The following SLC6A11 variants were observed in gnomAD, a reference collection of about 807,000 sequenced individuals.
SLC6A11 encodes sodium- and chloride-dependent GABA transporter 3.
SLC6A11 carries 25 observed loss-of-function variants against 74.8 expected under a neutral mutation model. The observed-to-expected ratio is 0.33, with a 90% CI of 0.24 to 0.47. The LOEUF is 0.47. Among genes scored for constraint, SLC6A11 ranks in the 20% least tolerant of loss-of-function variants. The pLI is 1.00. For missense variants in SLC6A11, 574 were observed against 837.0 expected, an observed-to-expected ratio of 0.69 and a Z score of 3.88; for synonymous variants, 330 against 330.2, an observed-to-expected ratio of 1.00 and a Z score of 0.01.
intron 13 of SLC6A11, 91 bp from the exon 14 acceptor site, chr3:10,938,159 G>C: frequency 2.4e-6 from 3 of 1,266,704 alleles, no homozygotes; most frequent in Admixed American, 2.3e-5. Context: ...CCAGCACCCA[G>C]ATGTCCGCCG....
intron 5 of SLC6A11, among the ~76,000 whole-genome samples, chr3:10,844,919 C>A (rs1458607916): frequency 6.6e-6 from 1 of 152,204 alleles, no homozygotes; most frequent in African/African-American, 2.4e-5. Flanking sequence ...CTGGGAGTTA[C>A]ACATGGCTCT....
chr3:10,836,802 C>T (rs1694373280), intron 4 of SLC6A11, among the ~76,000 whole-genome samples: 1 of 152,192 alleles, frequency 6.6e-6, no homozygotes. Context: ...GAAGCATTAG[C>T]CTAGGACAAG....
intron 5 of SLC6A11, among the ~76,000 whole-genome samples, chr3:10,851,482 T>C (rs182485022): frequency 3.2e-4 from 49 of 152,092 alleles, no homozygotes; most frequent in African/African-American, 1.1e-3. Flanking sequence ...ATTGATTTTT[T>C]TCTTTCCCTT....
In SLC6A11 at chr3:10,819,557, G is replaced by C; in HGVS notation, c.349G>C (p.Gly117Arg). Residue 117 changes from glycine to arginine, a missense_variant, in exon 2 of 14, where the codon GGT (glycine) becomes CGT (arginine). Around this residue, in one of 4 missense-constraint regions of SLC6A11, gnomAD observed 215 missense variants for 357.9 expected, o/e 0.60. Transcript: ENST00000254488. ...ETALGQFTSE[G>R]GITCWRKVCP... Reference sequence around the variant, plus strand: ...AGCTCTGGGGCAGTTCACAAGTGAAGGTGGCATTACGTGTTGGAGGAAAGT... The same window carrying C: ...AGCTCTGGGGCAGTTCACAAGTGAACGTGGCATTACGTGTTGGAGGAAAGT... The C allele has an allele frequency of 6.2e-7, 1 of 1,614,162 alleles. No homozygotes were observed. Among genetic ancestry groups the C allele is most frequent in the Non-Finnish European group, 8.5e-7 (1 of 1,180,026 alleles).
intron 5 of SLC6A11, among the ~76,000 whole-genome samples, chr3:10,863,079 T>G (rs1479860064): frequency 6.6e-6 from 1 of 152,276 alleles, no homozygotes; most frequent in Non-Finnish European, 1.5e-5. Flanking sequence ...GAGGTCTGAA[T>G]TTATTCATGC....
chr3:10,883,261 G>A (rs1433022563), intron 6 of SLC6A11, among the ~76,000 whole-genome samples: 9 of 152,206 alleles, frequency 5.9e-5, no homozygotes, highest in African/African-American at 2.2e-4. Context: ...GAAGTGTGAA[G>A]TGCTTCCACT....
chr3:10,817,659 A>G (rs1434157306), intron 1 of SLC6A11, among the ~76,000 whole-genome samples: 1 of 152,238 alleles, frequency 6.6e-6, no homozygotes, highest in East Asian at 1.9e-4. Flanking sequence ...GAGTCTGTGC[A>G]GAGCAGGACT....
intron 4 of SLC6A11, chr3:10,823,656 G>A: frequency 2.4e-6 from 1 of 410,952 alleles, no homozygotes; most frequent in South Asian, 3.1e-5. Flanking sequence ...AGTACTTGGT[G>A]AAAGGATAGA....
At chr3:10,914,258 G>T (rs1350979927) in intron 7 of SLC6A11, among the ~76,000 whole-genome samples, 1 of 152,166 alleles carries the variant, frequency 6.6e-6, no homozygotes, top group African/African-American at 2.4e-5. Context: ...GCAGGGCCTT[G>T]ACTCTGACTG....
At chr3:10,931,377 G>C (rs1695683235) in intron 10 of SLC6A11, among the ~76,000 whole-genome samples, 2 of 152,132 alleles carry the variant, frequency 1.3e-5, no homozygotes, top group Non-Finnish European at 2.9e-5. Context: ...GATGTTCATG[G>C]GAGGAGAGCA....
At chr3:10,900,959 A>AGAATGAATGG (rs1695232692) in intron 6 of SLC6A11, among the ~76,000 whole-genome samples, 1 of 152,222 alleles carries the variant, frequency 6.6e-6, no homozygotes, top group African/African-American at 2.4e-5. Flanking sequence ...TTTGGCTGCT[A>AGAATGAATGG]GAATGAATGG....
At chr3:10,936,535 A>AC (rs1390397987) in intron 13 of SLC6A11, among the ~76,000 whole-genome samples, 1 of 143,092 alleles carries the variant, frequency 7.0e-6, no homozygotes, top group Non-Finnish European at 1.5e-5. Flanking sequence ...CTGCCTGCCC[A>AC]CCGAGGGGCC....
At chr3:10,822,566 G>A (rs1389605804) in intron 3 of SLC6A11, among the ~76,000 whole-genome samples, 1 of 152,188 alleles carries the variant, frequency 6.6e-6, no homozygotes, top group Non-Finnish European at 1.5e-5. Flanking sequence ...GAGGGCCTTT[G>A]AATTCTTGCT....
At position 10,916,663 on chromosome 3, in the gene SLC6A11, A is replaced by G. The variant is rs137954501; in HGVS notation, c.996-1666A>G. On this transcript the variant is annotated intron_variant, in intron 7 of 13. Transcript: ENST00000254488. ...CACATCTGCTAACATCCTGTTGTCC[A>G]AAGCAAGTCATGTGGCTAAGCCCAA... Among the ~76,000 whole-genome samples the G allele has an allele frequency of 6.6e-3, 1,004 of 152,352 alleles. 8 individuals are homozygous for G. The highest frequency in any genetic ancestry group is 0.017 in the South Asian group (83 of 4,832).
At chr3:10,821,809 T>G (rs555814842) in intron 3 of SLC6A11, among the ~76,000 whole-genome samples, 1 of 152,340 alleles carries the variant, frequency 6.6e-6, no homozygotes, top group South Asian at 2.1e-4. Flanking sequence ...CAGTAATTTT[T>G]TTTTTTAACT....
At chr3:10,935,907 C>T (rs985977198) in intron 13 of SLC6A11, among the ~76,000 whole-genome samples, 3 of 151,970 alleles carry the variant, frequency 2.0e-5, no homozygotes, top group African/African-American at 4.8e-5. Context: ...TCATTGTTAA[C>T]CCCTGTTCCA....
chr3:10,855,736 A>AC (rs1694631433), intron 5 of SLC6A11, among the ~76,000 whole-genome samples: 1 of 152,162 alleles, frequency 6.6e-6, no homozygotes. Context: ...GATAAACGTG[A>AC]CCCTGGGGAG....
chr3:10,866,728 C>T (rs1189977128), intron 5 of SLC6A11, among the ~76,000 whole-genome samples: 1 of 152,218 alleles, frequency 6.6e-6, no homozygotes, highest in African/African-American at 2.4e-5. Flanking sequence ...GAAAACATGA[C>T]TCTACCTATT....
chr3:10,837,263 C>G (rs1694379050), intron 4 of SLC6A11, among the ~76,000 whole-genome samples: 4 of 152,166 alleles, frequency 2.6e-5, no homozygotes, highest in Admixed American at 6.5e-5. Flanking sequence ...TGTTTGGGGA[C>G]TGATGGAGAC....
Sources: allele counts gnomAD v4.1 joint callset (sites outside exome capture counted in the v4.1 genomes callset), GRCh38; gene constraint gnomAD v4.1.1; regional missense constraint gnomAD v4.1.1; transcripts MANE v1.5; gene names NCBI Gene and HGNC (gene_info 2026-07-23, HGNC 2026-07-21).